Variants in SIPA1L1 observed in about 807,000 individuals in gnomAD.
SIPA1L1 encodes signal-induced proliferation-associated 1-like protein 1.
Under a neutral mutation model 162.7 loss-of-function variants are expected in SIPA1L1, and 26 were observed. The ratio of observed to expected loss-of-function variants is 0.16; its 90% CI spans 0.12 to 0.22. SIPA1L1 has a LOEUF of 0.22. Ranked by LOEUF, SIPA1L1 falls within the 10% of genes least tolerant of loss-of-function variation. The probability of loss-of-function intolerance (pLI) is 1.00; values close to 1 mark genes in which losing one functional copy is unlikely to be tolerated. For synonymous variants in SIPA1L1, 829 were observed against 837.4 expected (o/e 0.99, Z 0.17); for missense variants, 1,874 against 2,241.0 (o/e 0.84, Z 3.31).
chr14:71,388,927 A>T (rs1363915656), intron 2 of SIPA1L1, among the ~76,000 whole-genome samples: 1 of 152,092 alleles, frequency 6.6e-6, no homozygotes, highest in Non-Finnish European at 1.5e-5. Context: ...CACCTTACCT[A>T]TATAAATAGG....
At position 71,619,464 on chromosome 14, in the gene SIPA1L1, C is replaced by T. The variant is rs373237243; in HGVS notation, c.1629+577C>T. Reference sequence around the variant, plus strand: ...AGAGCTCTTTAGGAATCTAAATATACACAATGTATGAGTTTTTTATTTTAA... The same window carrying T: ...AGAGCTCTTTAGGAATCTAAATATATACAATGTATGAGTTTTTTATTTTAA... On this transcript the variant is annotated intron_variant, in intron 6 of 23. Coordinates refer to ENST00000381232, the MANE Select transcript of SIPA1L1 (RefSeq NM_001386936.1). Among the ~76,000 whole-genome samples the T allele has an allele frequency of 3.3e-5, 5 of 151,556 alleles. No individual in the cohort carries two copies. The East Asian group carries it at 5.8e-4, about 18-fold the overall frequency.
chr14:71,624,492 A>G (rs2084441518), intron 7 of SIPA1L1, among the ~76,000 whole-genome samples: 1 of 152,198 alleles, frequency 6.6e-6, no homozygotes, highest in Admixed American at 6.5e-5. Flanking sequence ...AATCTTCCAT[A>G]TGTACGGTAA....
chr14:71,667,929 A>G (rs1469016534), intron 10 of SIPA1L1, among the ~76,000 whole-genome samples: 1 of 151,968 alleles, frequency 6.6e-6, no homozygotes, highest in Non-Finnish European at 1.5e-5. Flanking sequence ...GCCAGGCGAG[A>G]TGGCGGGCCC....
chr14:71,407,948 A>C (rs2042145096), intron 2 of SIPA1L1, among the ~76,000 whole-genome samples: 1 of 152,188 alleles, frequency 6.6e-6, no homozygotes, highest in African/African-American at 2.4e-5. Flanking sequence ...ATGGAAAGTC[A>C]ACAATGGAAA....
At chr14:71,726,944 GCCAGCTTTGGGCTGTGACACTC>G (rs1278527355) in intron 19 of SIPA1L1, among the ~76,000 whole-genome samples, 4 of 152,054 alleles carry the variant, frequency 2.6e-5, no homozygotes, top group Non-Finnish European at 5.9e-5. Context: ...AGGTGTCATG[GCCAGCTTTGGGCTGTGACACTC>G]CAAAGCCACT....
At chr14:71,556,719 C>T (rs934188755) in intron 4 of SIPA1L1, among the ~76,000 whole-genome samples, 6 of 152,250 alleles carry the variant, frequency 3.9e-5, no homozygotes, top group Admixed American at 1.3e-4. Flanking sequence ...TCTACATGTT[C>T]ACCTCTCCAG....
intron 7 of SIPA1L1, among the ~76,000 whole-genome samples, chr14:71,643,768 T>G (rs1283432829): frequency 6.6e-6 from 1 of 152,196 alleles, no homozygotes; most frequent in African/African-American, 2.4e-5. Context: ...ATATTTTCCT[T>G]TGATATAACA....
chr14:71,579,622 A>G (rs1292119531), intron 4 of SIPA1L1, among the ~76,000 whole-genome samples: 2 of 152,342 alleles, frequency 1.3e-5, no homozygotes, highest in Middle Eastern at 3.4e-3. Flanking sequence ...GGCAATGTGG[A>G]GTAATTTTAA....
intron 2 of SIPA1L1, among the ~76,000 whole-genome samples, chr14:71,491,772 A>G (rs916789284): frequency 7.0e-6 from 1 of 143,870 alleles, no homozygotes; most frequent in African/African-American, 2.7e-5. Context: ...ACACACACAC[A>G]CACACACACA....
At chr14:71,634,106 A>C (rs1162856392) in intron 7 of SIPA1L1, among the ~76,000 whole-genome samples, 2 of 152,190 alleles carry the variant, frequency 1.3e-5, no homozygotes, top group African/African-American at 4.8e-5. Context: ...CATGTTACCT[A>C]TAAGGGAAGA....
intron 7 of SIPA1L1, among the ~76,000 whole-genome samples, chr14:71,630,201 C>T (rs1466958271): frequency 1.3e-5 from 2 of 152,062 alleles, no homozygotes; most frequent in African/African-American, 4.8e-5. Flanking sequence ...CTGGTGGATC[C>T]GTATGTACAT....
chr14:71,705,407 A>T, intron 16 of SIPA1L1, 67 bp downstream of exon 16: 2 of 1,161,056 alleles, frequency 1.7e-6, no homozygotes. Context: ...CACTATGAAA[A>T]TGCTCTGCTC....
intron 15 of SIPA1L1, 144 bp downstream of exon 15, chr14:71,702,649 A>G (rs935315832): frequency 9.2e-6 from 7 of 760,426 alleles, no homozygotes; most frequent in East Asian, 2.8e-5. Flanking sequence ...TAGATTATGT[A>G]TAAGTGAAAA....
At chr14:71,639,475 T>C (rs1322622965) in intron 7 of SIPA1L1, among the ~76,000 whole-genome samples, 1 of 152,226 alleles carries the variant, frequency 6.6e-6, no homozygotes, top group Non-Finnish European at 1.5e-5. Flanking sequence ...CGTTAACATA[T>C]ATTAATCATG....
chr14:71,690,978 C>T (rs951755686), intron 13 of SIPA1L1, among the ~76,000 whole-genome samples: 12 of 152,214 alleles, frequency 7.9e-5, no homozygotes, highest in Non-Finnish European at 1.6e-4. Flanking sequence ...TCTTCCGTCT[C>T]GTGTGTTACC....
At chr14:71,527,997 C>T (rs1233879596) in intron 3 of SIPA1L1, among the ~76,000 whole-genome samples, 4 of 152,152 alleles carry the variant, frequency 2.6e-5, no homozygotes, top group South Asian at 2.1e-4. Flanking sequence ...AAGCGATTTT[C>T]GTGCCTGGGT....
At chr14:71,339,052 A>G (rs1188890315) in intron 2 of SIPA1L1, among the ~76,000 whole-genome samples, 1 of 152,088 alleles carries the variant, frequency 6.6e-6, no homozygotes. Flanking sequence ...ATTACCAGAT[A>G]TTTATTGAGT....
chr14:71,584,428 A>G (rs2034330094), intron 4 of SIPA1L1, among the ~76,000 whole-genome samples: 1 of 152,200 alleles, frequency 6.6e-6, no homozygotes, highest in African/African-American at 2.4e-5. Flanking sequence ...TACAATCAAA[A>G]TGGAAAGTGT....
At chr14:71,738,209 T>C in intron 22 of SIPA1L1, 32 bp from the exon 23 acceptor site, 1 of 1,089,254 alleles carries the variant, frequency 9.2e-7, no homozygotes, top group Non-Finnish European at 1.4e-6. Flanking sequence ...TGGAGGCCCC[T>C]GCCAACATGG....
Sources: allele counts gnomAD v4.1 joint callset (sites outside exome capture counted in the v4.1 genomes callset), GRCh38; gene constraint gnomAD v4.1.1; transcripts MANE v1.5; gene names NCBI Gene and HGNC (gene_info 2026-07-23, HGNC 2026-07-21).